ASTN2: variants seen among roughly 807,000 people sequenced by gnomAD.
ASTN2 encodes astrotactin 2.
In ASTN2, 54 loss-of-function variants were observed where a neutral mutation model predicts 139.8. The ratio of observed to expected loss-of-function variants is 0.39; its 90% CI spans 0.31 to 0.48. The LOEUF (loss-of-function observed/expected upper bound fraction) is 0.48, where lower values mean the gene tolerates loss of function less well. ASTN2 is among the 20% of genes least tolerant of loss of function. The pLI, the probability that ASTN2 is intolerant of heterozygous loss-of-function variation, is 0.95. For synonymous variants in ASTN2, 756 were observed against 719.5 expected (o/e 1.05, Z -0.81); for missense variants, 1,565 against 1,725.1 (o/e 0.91, Z 1.64).
chr9:117,403,279 T>C (rs557630590), intron 1 of ASTN2, among the ~76,000 whole-genome samples: 313 of 152,302 alleles, frequency 2.1e-3, no homozygotes, highest in African/African-American at 7.3e-3. Flanking sequence ...AACAAGTTGC[T>C]GCTGGCTGTA....
At chr9:117,178,412 A>G (rs905165551) in intron 3 of ASTN2, among the ~76,000 whole-genome samples, 2 of 152,140 alleles carry the variant, frequency 1.3e-5, no homozygotes, top group African/African-American at 4.8e-5. Context: ...TAACTTTTGG[A>G]TACTGTTTTG....
At chr9:117,220,266 C>A (rs998246665) in intron 2 of ASTN2, among the ~76,000 whole-genome samples, 2 of 151,970 alleles carry the variant, frequency 1.3e-5, no homozygotes, top group Admixed American at 1.3e-4. Flanking sequence ...TACACAAAAC[C>A]CCTCATGACT....
chr9:116,905,868 G>GC (rs1564333925), intron 10 of ASTN2, among the ~76,000 whole-genome samples: 5 of 138,500 alleles, frequency 3.6e-5, no homozygotes, highest in African/African-American at 1.5e-4. Flanking sequence ...TTTTTTTTTG[G>GC]GGGGGGGTGC....
intron 19 of ASTN2, among the ~76,000 whole-genome samples, chr9:116,506,666 T>C (rs899454654): frequency 3.3e-5 from 5 of 152,188 alleles, no homozygotes; most frequent in African/African-American, 1.2e-4. Flanking sequence ...AGGGGATTGC[T>C]GTAGCCATCT....
At chr9:116,777,474 T>A (rs1588284762) in intron 13 of ASTN2, among the ~76,000 whole-genome samples, 1 of 152,116 alleles carries the variant, frequency 6.6e-6, no homozygotes, top group Admixed American at 6.5e-5. Context: ...GTGTGTCTGA[T>A]TCCAAGAATT....
At chr9:116,645,265 G>T (rs1388243667) in intron 17 of ASTN2, among the ~76,000 whole-genome samples, 1 of 152,152 alleles carries the variant, frequency 6.6e-6, no homozygotes, top group Non-Finnish European at 1.5e-5. Flanking sequence ...CAGTTGTGCT[G>T]AGCCAAGCTC....
intron 7 of ASTN2, among the ~76,000 whole-genome samples, chr9:117,002,085 A>C (rs1026900170): frequency 1.3e-5 from 2 of 152,230 alleles, no homozygotes; most frequent in African/African-American, 4.8e-5. Context: ...ACCTGTAGAC[A>C]GTCCTATCCA....
At chr9:116,938,174 A>G (rs894512345) in intron 10 of ASTN2, among the ~76,000 whole-genome samples, 1 of 152,154 alleles carries the variant, frequency 6.6e-6, no homozygotes, top group African/African-American at 2.4e-5. Context: ...CTGTACTGTA[A>G]TACACTAGAA....
At chr9:116,868,355 C>T (rs1009803967) in intron 10 of ASTN2, among the ~76,000 whole-genome samples, 14 of 152,152 alleles carry the variant, frequency 9.2e-5, no homozygotes, top group African/African-American at 3.4e-4. Context: ...CCAGGCTGTG[C>T]ACTCGAATCT....
At chr9:116,740,193 T>A (rs1040276060) in intron 13 of ASTN2, among the ~76,000 whole-genome samples, 1 of 152,224 alleles carries the variant, frequency 6.6e-6, no homozygotes, top group African/African-American at 2.4e-5. Context: ...AAATGAACAA[T>A]GCCAGTGGGC....
chr9:116,813,037 G>C (rs1357106490), intron 12 of ASTN2, among the ~76,000 whole-genome samples: 1 of 151,896 alleles, frequency 6.6e-6, no homozygotes, highest in Non-Finnish European at 1.5e-5. Context: ...TTTTATTTTT[G>C]TACTATGACA....
chr9:117,120,010 G>A (rs1369455085), intron 4 of ASTN2, among the ~76,000 whole-genome samples: 994 of 33,238 alleles, frequency 0.03, 13 homozygotes, highest in African/African-American at 0.074. Context: ...GTGTGTGTGT[G>A]TGTGTGTGTA....
chr9:116,822,293 C>T (rs1193840929), intron 11 of ASTN2, among the ~76,000 whole-genome samples: 3 of 151,998 alleles, frequency 2.0e-5, no homozygotes, highest in Non-Finnish European at 2.9e-5. Flanking sequence ...TTGAGACTGG[C>T]GCCAGGAAGA....
At chr9:117,095,000 C>T (rs1292329383) in intron 5 of ASTN2, among the ~76,000 whole-genome samples, 1 of 152,164 alleles carries the variant, frequency 6.6e-6, no homozygotes, top group African/African-American at 2.4e-5. Flanking sequence ...ATGCATGCAG[C>T]ATGGTTTGTG....
In ASTN2 at chr9:116,755,330, C is replaced by A. The variant is rs535407999; in HGVS notation, c.2397-21807G>T. ...CCTCCCTGAGAATCGCAGAATGTGTCTGTATTCAGACATAGGGCCCTTAAA... is the reference window on the plus strand; with the variant it reads ...CCTCCCTGAGAATCGCAGAATGTGTATGTATTCAGACATAGGGCCCTTAAA... On this transcript the variant is annotated intron_variant, in intron 13 of 22. Transcript: ENST00000313400. Among the ~76,000 whole-genome samples, 9 of 152,222 alleles carry A rather than the reference C, an allele frequency of 5.9e-5. No homozygotes were observed. The East Asian group carries it at 1.5e-3, about 26-fold the overall frequency.
chr9:116,967,966 A>G (rs1371601201), intron 10 of ASTN2, among the ~76,000 whole-genome samples: 1 of 152,208 alleles, frequency 6.6e-6, no homozygotes, highest in Admixed American at 6.5e-5. Flanking sequence ...ACTGCATCAC[A>G]TGGTTGCTTC....
chr9:116,644,723 A>G (rs1857505623), intron 17 of ASTN2, among the ~76,000 whole-genome samples: 1 of 152,206 alleles, frequency 6.6e-6, no homozygotes. Flanking sequence ...AGTGCAAGAT[A>G]TGTATATCTT....
At chr9:116,966,446 G>C (rs1465428832) in intron 10 of ASTN2, among the ~76,000 whole-genome samples, 2 of 152,128 alleles carry the variant, frequency 1.3e-5, no homozygotes, top group Non-Finnish European at 2.9e-5. Flanking sequence ...AGTCTCCCCA[G>C]TGGCAAAGAC....
At chr9:117,212,474 C>T (rs930452072) in intron 3 of ASTN2, among the ~76,000 whole-genome samples, 1 of 151,914 alleles carries the variant, frequency 6.6e-6, no homozygotes, top group African/African-American at 2.4e-5. Context: ...AAAACACAAC[C>T]TACAGAATGG....
Sources: gnomAD v4.1 joint callset for allele counts (sites outside exome capture counted in the v4.1 genomes callset) on GRCh38, gnomAD v4.1.1 for gene constraint, MANE v1.5 for transcripts, NCBI Gene and HGNC (gene_info 2026-07-23, HGNC 2026-07-21) for gene names.